Variants in AZIN2 observed in about 807,000 individuals in gnomAD.
AZIN2 encodes ODC antizyme inhibitor-2.
Under a neutral mutation model 47.8 loss-of-function variants are expected in AZIN2, and 28 were observed. The observed-to-expected ratio is 0.59, with a 90% confidence interval of 0.43 to 0.80. The LOEUF is 0.80. AZIN2 is among the 30% of genes least tolerant of loss of function. The probability of loss-of-function intolerance (pLI) is 0.00; values close to 1 mark genes in which losing one functional copy is unlikely to be tolerated. For synonymous variants in AZIN2, 221 were observed against 239.4 expected (o/e 0.92, Z 0.71); for missense variants, 535 against 582.5 (o/e 0.92, Z 0.84).
At chr1:33,159,076 C>T in the AZIN2 span, among the ~76,000 whole-genome samples, 8 of 151,840 alleles carry the variant, frequency 5.3e-5, no homozygotes, top group African/African-American at 1.7e-4. This position sits in a 1 kb window ranked among gnomAD's most constrained non-coding sequence, Gnocchi z 4.2. Flanking sequence ...AACTCCTGAC[C>T]TCAGGTAATC....
chr1:33,158,936 G>A, the AZIN2 span, among the ~76,000 whole-genome samples: 2 of 152,124 alleles, frequency 1.3e-5, no homozygotes, highest in African/African-American at 4.8e-5. Flanking sequence ...TGCCTCCTGG[G>A]TTCAAGCAAT....
At chr1:33,099,055 A>G (rs116588539) in intron 10 of AZIN2, among the ~76,000 whole-genome samples, 6,617 of 152,134 alleles carry the variant, frequency 0.043, 390 homozygotes, top group African/African-American at 0.13. Flanking sequence ...ACGAGCCACC[A>G]TGCCTGGCCT....
chr1:33,163,991 G>A, the AZIN2 span: 2 of 152,556 alleles, frequency 1.3e-5, no homozygotes, highest in Non-Finnish European at 2.9e-5. Flanking sequence ...GTGGAGAGAA[G>A]AGAGTGCTGC....
chr1:33,165,851 C>G, the AZIN2 span: 1 of 269,420 alleles, frequency 3.7e-6, no homozygotes, highest in Non-Finnish European at 7.0e-6. This position sits in a 1 kb window ranked among gnomAD's most constrained non-coding sequence, Gnocchi z 4.0. Context: ...CTCTCTGGCT[C>G]CCCACACTTG....
the AZIN2 span, among the ~76,000 whole-genome samples, chr1:33,154,102 T>C: frequency 3.3e-5 from 5 of 152,210 alleles, no homozygotes; most frequent in Non-Finnish European, 5.9e-5. Context: ...GGGAATGGCA[T>C]GTGCAAACGT....
the AZIN2 span, among the ~76,000 whole-genome samples, chr1:33,151,215 GC>G: frequency 6.6e-6 from 1 of 152,140 alleles, no homozygotes; most frequent in Admixed American, 6.5e-5. Flanking sequence ...GTGAATGCCA[GC>G]CCTGGCGAGC....
At chr1:33,085,063 A>G (rs1641732798) in intron 5 of AZIN2, among the ~76,000 whole-genome samples, 1 of 152,220 alleles carries the variant, frequency 6.6e-6, no homozygotes, top group Admixed American at 6.5e-5. Flanking sequence ...GCTAGATAAA[A>G]GCATTTAAGC....
chr1:33,136,921 C>T, the AZIN2 span, among the ~76,000 whole-genome samples: 4 of 151,336 alleles, frequency 2.6e-5, no homozygotes, highest in African/African-American at 9.7e-5. Flanking sequence ...TGCTTGAACC[C>T]AGGAGGCAGA....
At chr1:33,154,603 C>A in the AZIN2 span, among the ~76,000 whole-genome samples, 2 of 147,058 alleles carry the variant, frequency 1.4e-5, no homozygotes, top group East Asian at 2.0e-4. Flanking sequence ...TTCAAGACCA[C>A]CCTGGCCAAC....
chr1:33,134,654 A>G, the AZIN2 span, among the ~76,000 whole-genome samples: 3 of 152,318 alleles, frequency 2.0e-5, no homozygotes, highest in African/African-American at 7.2e-5. Context: ...ATGTTTACGC[A>G]GGGAAGCTGT....
chr1:33,108,484 A>T (rs187533601), intron 10 of AZIN2, among the ~76,000 whole-genome samples: 1 of 152,156 alleles, frequency 6.6e-6, no homozygotes, highest in East Asian at 1.9e-4. Flanking sequence ...CTGGGATTAC[A>T]GACATGTGCC....
chr1:33,162,538 C>G, the AZIN2 span, among the ~76,000 whole-genome samples: 1 of 152,224 alleles, frequency 6.6e-6, no homozygotes, highest in Non-Finnish European at 1.5e-5. Flanking sequence ...GTGCCCATCC[C>G]AGAGCCTGGT....
At chr1:33,118,144 G>T (rs755769562) in intron 11 of AZIN2, 28 bp downstream of exon 11, 7 of 1,503,014 alleles carry the variant, frequency 4.7e-6, no homozygotes, top group Non-Finnish European at 6.2e-6. Context: ...GAAAATGGGG[G>T]TATGGGGAGG....
the AZIN2 span, among the ~76,000 whole-genome samples, chr1:33,138,846 T>C: frequency 2.6e-5 from 4 of 152,046 alleles, no homozygotes; most frequent in African/African-American, 9.7e-5. Flanking sequence ...ATAATTTCAT[T>C]TGTAGGAGCC....
Position 33,109,020 on chromosome 1 carries a change from C to G in AZIN2, c.1030-8882C>G, listed in dbSNP as rs572428350. On this transcript the variant is annotated intron_variant, in intron 10 of 11. Transcript: ENST00000294517. Reference sequence around the variant, plus strand: ...AATGGGAGTTCTTGTTGCTCCACATCCACACCAGCATTTGGTGTTACCAGT... The same window carrying G: ...AATGGGAGTTCTTGTTGCTCCACATGCACACCAGCATTTGGTGTTACCAGT... Among the ~76,000 whole-genome samples, 10 of 152,358 alleles carry G rather than the reference C, an allele frequency of 6.6e-5. 1 individual carries two copies. Among genetic ancestry groups the G allele is most frequent in the African/African-American group, 2.2e-4 (9 of 41,588 alleles).
chr1:33,102,319 T>C (rs1483463513), intron 10 of AZIN2, among the ~76,000 whole-genome samples: 2 of 152,226 alleles, frequency 1.3e-5, no homozygotes, highest in African/African-American at 4.8e-5. Flanking sequence ...TTCCAGGGAC[T>C]TTGTAAGTTG....
At chr1:33,108,342 CTT>C (rs34834263) in intron 10 of AZIN2, among the ~76,000 whole-genome samples, 120 of 134,644 alleles carry the variant, frequency 8.9e-4, no homozygotes, top group Admixed American at 3.1e-3. Context: ...TTCAGATTGA[CTT>C]TTTTTTTTTT....
At chr1:33,117,681 A>G (rs1644614814) in intron 10 of AZIN2, among the ~76,000 whole-genome samples, 1 of 152,232 alleles carries the variant, frequency 6.6e-6, no homozygotes, top group African/African-American at 2.4e-5. Flanking sequence ...TCACACAGCT[A>G]ACAACTGCTG....
chr1:33,152,744 A>T, the AZIN2 span, among the ~76,000 whole-genome samples: 1 of 152,176 alleles, frequency 6.6e-6, no homozygotes, highest in Non-Finnish European at 1.5e-5. Context: ...TGTTTTACAG[A>T]TGAGGAAACT....
Sources: allele counts gnomAD v4.1 joint callset (sites outside exome capture counted in the v4.1 genomes callset), GRCh38; gene constraint gnomAD v4.1.1; non-coding constraint Gnocchi (gnomAD v3.1); transcripts MANE v1.5; gene names NCBI Gene and HGNC (gene_info 2026-07-23, HGNC 2026-07-21).